The following CBLN4 variants were observed in gnomAD, a reference collection of about 807,000 sequenced individuals.
CBLN4 encodes the protein cerebellin-4.
CBLN4 carries 7 observed loss-of-function variants against 14.9 expected under a neutral mutation model. The observed-to-expected ratio is 0.47, with a 90% CI of 0.27 to 0.88. The LOEUF is 0.88. CBLN4 is among the 40% of genes least tolerant of loss of function. CBLN4 has a pLI of 0.14. For missense variants in CBLN4, 188 were observed against 256.8 expected (o/e 0.73, Z 1.83); for synonymous variants, 131 against 116.5 (o/e 1.12, Z -0.80).
At position 55,998,879 on chromosome 20, in the gene CBLN4, C is replaced by T. The variant is rs578054253; in HGVS notation, c.409-125G>A. On this transcript the variant is annotated intron_variant, in intron 2 of 2. Transcript: ENST00000064571. ...TACCTGATGTTCAGGAAATATATTCCCTTCCTTTCAAATTAGCCAATTGTG... is the reference window on the plus strand; with the variant it reads ...TACCTGATGTTCAGGAAATATATTCTCTTCCTTTCAAATTAGCCAATTGTG... The T allele has an allele frequency of 1.4e-5, 10 of 728,210 alleles. No homozygotes were observed. In the East Asian group the frequency reaches 1.9e-4, roughly 14 times the overall value. The allele number at this position is 728,210 out of a possible 1,614,324, so 45.1% of individuals were successfully genotyped here. A position where few individuals can be genotyped will look rare whatever the true frequency, so the allele number is the denominator to read the frequency against.
chr20:56,004,036 A>T lies in CBLN4; in HGVS notation c.136T>A (p.Ser46Thr), dbSNP rs762648877. Reference sequence around the variant, plus strand: ...CCCTTGGAGTCCGTGGCCGGGTTCGAGTCGCACACCACCAGACACTTGCCC... The same window carrying T: ...CCCTTGGAGTCCGTGGCCGGGTTCGTGTCGCACACCACCAGACACTTGCCC... ...LEGKCLVVCD[S>T]NPATDSKGSS... The change falls in exon 1 of 3, where the codon TCG (serine) becomes ACG (threonine). Residue 46 changes from serine (S) to threonine (T), a missense_variant. This residue lies in a region of CBLN4 where 95 missense variants were observed against 99.2 expected (regional missense o/e 0.96). Transcript: ENST00000064571. The surrounding 1 kb of genome is among the most constrained non-coding windows in gnomAD (Gnocchi z 6.1). 1.2e-6 allele frequency: 2 copies of T among 1,613,940 alleles called. No individual in the cohort carries two copies. Among genetic ancestry groups the T allele is most frequent in the Non-Finnish European group, 8.5e-7 (1 of 1,179,966 alleles).
chr20:56,004,301 G>A lies in CBLN4; in HGVS notation c.-130C>T. The A allele has an allele frequency of 3.3e-6, 3 of 906,118 alleles. No individual in the cohort carries two copies. The South Asian group carries it at 6.7e-5, about 20-fold the overall frequency. The allele number at this position is 906,118 out of a possible 1,614,324, so 56.1% of individuals were successfully genotyped here. A position where few individuals can be genotyped will look rare whatever the true frequency, so the allele number is the denominator to read the frequency against. On this transcript the variant is annotated 5_prime_UTR_variant, in exon 1 of 3. Coordinates refer to ENST00000064571, the MANE Select transcript of CBLN4 (RefSeq NM_080617.6). The surrounding 1 kb of genome is among the most constrained non-coding windows in gnomAD (Gnocchi z 6.1). ...CAGCGCTGCAGGAGCGACGGCGGCG[G>A]CGGCGCGCACACTTCCACCAATTCT...
Position 56,000,979 on chromosome 20 carries a change from T to C in CBLN4, c.292-132A>G, listed in dbSNP as rs551080802. On this transcript the variant is annotated intron_variant, in intron 1 of 2. Transcript: ENST00000064571. Reference sequence around the variant, plus strand: ...CTTCCTTCATTCCTTCCTTCCTCTTTCTTTCTTTTCTTTTTTCTTTTGTTC... The same window carrying C: ...CTTCCTTCATTCCTTCCTTCCTCTTCCTTTCTTTTCTTTTTTCTTTTGTTC... 5 of 439,844 alleles carry C rather than the reference T, an allele frequency of 1.1e-5. 1 individual carries two copies. The South Asian group carries it at 2.4e-4, about 21-fold the overall frequency. The allele number at this position is 439,844 out of a possible 1,614,324, so 27.2% of individuals were successfully genotyped here. A position where few individuals can be genotyped will look rare whatever the true frequency, so the allele number is the denominator to read the frequency against.
chr20:55,997,776 A>C lies in CBLN4; in HGVS notation c.*781T>G, dbSNP rs1228567209. The C allele has an allele frequency of 1.3e-5, 2 of 152,576 alleles. No individual in the cohort carries two copies. Among genetic ancestry groups the C allele is most frequent in the Non-Finnish European group, 2.9e-5 (2 of 68,008 alleles). The allele number at this position is 152,576 out of a possible 1,614,324, so 9.5% of individuals were successfully genotyped here. A position where few individuals can be genotyped will look rare whatever the true frequency, so the allele number is the denominator to read the frequency against. On this transcript the variant is annotated 3_prime_UTR_variant, in exon 3 of 3. Transcript: ENST00000064571. ...AATTAAAGTTGAGCAATAAAGTATA[A>C]GATTTCCCTCGGAGGGGAGCTGTTT... is the stretch of plus-strand genomic sequence containing the variant.
Position 56,004,376 on chromosome 20 carries a change from C to G in CBLN4, c.-205G>C. The G allele has an allele frequency of 1.9e-6, 1 of 513,262 alleles. No individual in the cohort carries two copies. The allele number at this position is 513,262 out of a possible 1,614,324, so 31.8% of individuals were successfully genotyped here. ...TCGAGCTCTCTCGCTGGCTCTGTTA[C>G]CTTTGTCCTTTAAGGAGCTCATGCA... On this transcript the variant is annotated 5_prime_UTR_variant, in exon 1 of 3. Coordinates refer to ENST00000064571, the MANE Select transcript of CBLN4 (RefSeq NM_080617.6). This position sits in a 1 kb window ranked among gnomAD's most constrained non-coding sequence, Gnocchi z 6.1.
intron 2 of CBLN4, among the ~76,000 whole-genome samples, chr20:55,999,422 G>A (rs1404933377): frequency 6.6e-6 from 1 of 152,138 alleles, no homozygotes; most frequent in African/African-American, 2.4e-5. Flanking sequence ...TTCAAGACCA[G>A]CCTGGGCAAC....
rs1284317926 is a variant in CBLN4 at position 55,997,589 on chromosome 20, A to G, written c.*968T>C. ...ACAGATAAATATATACAATTTAAAG[A>G]GTTAAGGCAAAACCAGATGATACTT... On this transcript the variant is annotated 3_prime_UTR_variant, in exon 3 of 3. Coordinates refer to ENST00000064571, the MANE Select transcript of CBLN4 (RefSeq NM_080617.6). The G allele has an allele frequency of 6.6e-6, 1 of 152,520 alleles. No homozygotes were observed. The highest frequency in any genetic ancestry group is 1.5e-5 in the Non-Finnish European group (1 of 67,998). 9.4% of individuals were successfully genotyped at this position (152,520 alleles called of 1,614,324 possible).
At position 55,997,417 on chromosome 20, in the gene CBLN4, C is replaced by T. The variant is rs777702787; in HGVS notation, c.*1140G>A. On this transcript the variant is annotated 3_prime_UTR_variant, in exon 3 of 3. Transcript: ENST00000064571. ...TAATGTAGAATACATATTTCCAAAACGGAAAGAAAAAAACAATTCAACTAA... is the reference window on the plus strand; with the variant it reads ...TAATGTAGAATACATATTTCCAAAATGGAAAGAAAAAAACAATTCAACTAA... The T allele has an allele frequency of 9.9e-5, 15 of 152,198 alleles. No individual in the cohort carries two copies. The highest frequency in any genetic ancestry group is 2.2e-4 in the African/African-American group (9 of 41,438). 9.4% of individuals were successfully genotyped at this position (152,198 alleles called of 1,614,324 possible). A position where few individuals can be genotyped will look rare whatever the true frequency, so the allele number is the denominator to read the frequency against.
rs1008292655 is a variant in CBLN4, at chr20:55,998,047, T to C, written c.*510A>G. The C allele has an allele frequency of 9.2e-5, 14 of 152,422 alleles. No individual in the cohort carries two copies. The highest frequency in any genetic ancestry group is 3.4e-4 in the African/African-American group (14 of 41,458). The allele number at this position is 152,422 out of a possible 1,614,324, so 9.4% of individuals were successfully genotyped here. A position where few individuals can be genotyped will look rare whatever the true frequency, so the allele number is the denominator to read the frequency against. On this transcript the variant is annotated 3_prime_UTR_variant, in exon 3 of 3. Coordinates refer to ENST00000064571, the MANE Select transcript of CBLN4 (RefSeq NM_080617.6). ...ATTTTAAGAGAAAACATAATACCAG[T>C]TACTGAAAAAAAAAATCCAAGTTTT...
Position 56,004,084 on chromosome 20 carries a change from C to G in CBLN4, c.88G>C (p.Asp30His), listed in dbSNP as rs1568834663. Residue 30 changes from aspartate to histidine, a missense_variant, in exon 1 of 3, where the codon GAC (aspartate) becomes CAC (histidine). Physicochemically the swap from Asp to His is moderately conservative, Grantham distance 81. Around this residue, in one of 2 missense-constraint regions of CBLN4, gnomAD observed 95 missense variants for 99.2 expected, o/e 0.96. Transcript: ENST00000064571. This position sits in a 1 kb window ranked among gnomAD's most constrained non-coding sequence, Gnocchi z 6.1. The stretch of plus-strand genomic sequence containing the variant: ...CCCTCCAGCACGATGGGCTCCGTGT[C>G]GTTCTGTGCCCAGACGGGCAGCCCC... ...LPGLPVWAQN[D>H]TEPIVLEGKC... 6.2e-6 allele frequency: 10 copies of G among 1,612,686 alleles called. No individual in the cohort carries two copies. Among genetic ancestry groups the G allele is most frequent in the Non-Finnish European group, 8.5e-6 (10 of 1,179,722 alleles).
intron 1 of CBLN4, among the ~76,000 whole-genome samples, chr20:56,001,422 G>C (rs372498317): frequency 2.1e-4 from 32 of 152,228 alleles, no homozygotes; most frequent in African/African-American, 7.7e-4. Flanking sequence ...CATAATCCTT[G>C]ACACTGAACA....
intron 2 of CBLN4, among the ~76,000 whole-genome samples, chr20:55,999,016 T>G (rs1341220124): frequency 6.6e-6 from 1 of 152,094 alleles, no homozygotes; most frequent in Non-Finnish European, 1.5e-5. Context: ...AACCTAGCCA[T>G]GTGAAAACTA....
At position 55,998,018 on chromosome 20, in the gene CBLN4, C is replaced by T. The variant is rs1257137732; in HGVS notation, c.*539G>A. 1.3e-5 allele frequency: 2 copies of T among 152,160 alleles called. No individual in the cohort carries two copies. Among genetic ancestry groups the T allele is most frequent in the African/African-American group, 2.4e-5 (1 of 41,274 alleles). 9.4% of individuals were successfully genotyped at this position (152,160 alleles called of 1,614,324 possible). A position where few individuals can be genotyped will look rare whatever the true frequency, so the allele number is the denominator to read the frequency against. ...AAATTTGTGGGCAAGCCATTCATTA[C>T]CTTATTTTAAGAGAAAACATAATAC... On this transcript the variant is annotated 3_prime_UTR_variant, in exon 3 of 3. Coordinates refer to ENST00000064571, the MANE Select transcript of CBLN4 (RefSeq NM_080617.6).
Position 56,004,191 on chromosome 20 carries a change from C to T in CBLN4, c.-20G>A, listed in dbSNP as rs1416368387. 1 of 1,409,706 alleles carries T rather than the reference C, an allele frequency of 7.1e-7. No individual in the cohort carries two copies. Among genetic ancestry groups the T allele is most frequent in the East Asian group, 2.8e-5 (1 of 35,150 alleles). The allele number at this position is 1,409,706 out of a possible 1,614,324, so 87.3% of individuals were successfully genotyped here. A position where few individuals can be genotyped will look rare whatever the true frequency, so the allele number is the denominator to read the frequency against. ...GCCCATGGTGAGCCGTGTGGGCAGC[C>T]GCAGCCGGCTGGCGCTGGTGCTCGC... On this transcript the variant is annotated 5_prime_UTR_variant, in exon 1 of 3. Coordinates refer to ENST00000064571, the MANE Select transcript of CBLN4 (RefSeq NM_080617.6). This position sits in a 1 kb window ranked among gnomAD's most constrained non-coding sequence, Gnocchi z 6.1.
Position 55,998,558 on chromosome 20 carries a change from T to C in CBLN4, c.605A>G (p.Ter202TrpextTer6), listed in dbSNP as rs1346320959. ...TFSGFLVFPL[*>W] ...TGAACATCATGGAGAAATTGAATCC[T>C]ATAGGGGGAACACCAGAAAGCCAGA... The change falls in exon 3 of 3, where the codon TAG (stop) becomes TGG (tryptophan). Residue 202 changes from the stop codon to tryptophan, a stop_lost. Coordinates refer to ENST00000064571, the MANE Select transcript of CBLN4 (RefSeq NM_080617.6). 2 of 1,614,076 alleles carry C rather than the reference T, an allele frequency of 1.2e-6. No individual in the cohort carries two copies. Among genetic ancestry groups the C allele is most frequent in the Admixed American group, 1.7e-5 (1 of 60,024 alleles).
At position 56,004,409 on chromosome 20, in the gene CBLN4, T is replaced by A; in HGVS notation, c.-238A>T. The A allele has an allele frequency of 2.2e-6, 1 of 454,746 alleles. No individual in the cohort carries two copies. 28.2% of individuals were successfully genotyped at this position (454,746 alleles called of 1,614,324 possible). A position where few individuals can be genotyped will look rare whatever the true frequency, so the allele number is the denominator to read the frequency against. On this transcript the variant is annotated 5_prime_UTR_variant, in exon 1 of 3. An upstream open reading frame in the 5' UTR gains an earlier in-frame stop. Coordinates refer to ENST00000064571, the MANE Select transcript of CBLN4 (RefSeq NM_080617.6). This position sits in a 1 kb window ranked among gnomAD's most constrained non-coding sequence, Gnocchi z 6.1. ...CTTTAAGGAGCTCATGCAGCACCCTTTACCCTACTCTCCTCCGCCCAAGAA... is the reference window on the plus strand; with the variant it reads ...CTTTAAGGAGCTCATGCAGCACCCTATACCCTACTCTCCTCCGCCCAAGAA...
In CBLN4 at chr20:55,998,529, T is replaced by C. The variant is rs759856200; in HGVS notation, c.*28A>G. ...ACTCAGGAGTGGGTCATCCCTCACC[T>C]GGATGAACATCATGGAGAAATTGAA... On this transcript the variant is annotated 3_prime_UTR_variant, in exon 3 of 3. Transcript: ENST00000064571. 2.5e-6 allele frequency: 4 copies of C among 1,612,340 alleles called. No homozygotes were observed. In the African/African-American group the frequency reaches 5.3e-5, roughly 22 times the overall value.
rs755551012 is a variant in CBLN4 at position 56,003,861 on chromosome 20, C to T, written c.291+20G>A. 6.3e-7 allele frequency: 1 copy of T among 1,575,792 alleles called. No individual in the cohort carries two copies. ...GGAGACCGCCCACCCCCTAGGTGCT[C>T]GCTTCCCCCCGGGTCTGACCTGATC... is the stretch of plus-strand genomic sequence containing the variant. On this transcript the variant is annotated intron_variant, in intron 1 of 2. Coordinates refer to ENST00000064571, the MANE Select transcript of CBLN4 (RefSeq NM_080617.6).
rs1416243262 is a variant in CBLN4, at chr20:55,998,632, T to C, written c.531A>G (p.Leu177=). 3 of 1,614,174 alleles carry C rather than the reference T, an allele frequency of 1.9e-6. No homozygotes were observed. Among genetic ancestry groups the C allele is most frequent in the Non-Finnish European group, 2.5e-6 (3 of 1,179,992 alleles). Reference sequence around the variant, plus strand: ...CAACCAAATTACCTTTCTCCAGTTTTAGGTAAACCTTATCCTCTTTATCTA... The same window carrying C: ...CAACCAAATTACCTTTCTCCAGTTTCAGGTAAACCTTATCCTCTTTATCTA... ...LYLDKEDKVY[L]KLEKGNLVGG... The change falls in exon 3 of 3, where the codon CTA becomes CTG. Residue 177 remains leucine, a synonymous_variant. Transcript: ENST00000064571.
Sources: gnomAD v4.1 joint callset for allele counts (sites outside exome capture counted in the v4.1 genomes callset) on GRCh38, gnomAD v4.1.1 for gene constraint, gnomAD v4.1.1 regional missense constraint, Gnocchi (gnomAD v3.1) non-coding constraint, MANE v1.5 for transcripts, NCBI Gene and HGNC (gene_info 2026-07-23, HGNC 2026-07-21) for gene names.